CSMD1: variants seen among roughly 807,000 people sequenced by gnomAD.
The protein encoded by CSMD1 is CUB and Sushi multiple domains 1.
CSMD1 carries 213 observed loss-of-function variants against 417.5 expected under a neutral mutation model. The observed-to-expected ratio is 0.51, with a 90% CI of 0.46 to 0.57. The LOEUF (loss-of-function observed/expected upper bound fraction) is 0.57, where lower values mean the gene tolerates loss of function less well. Ranked by LOEUF, CSMD1 falls within the 20% of genes least tolerant of loss-of-function variation. The pLI is 0.00. For synonymous variants in CSMD1, 2,862 were observed against 1,736.8 expected, an observed-to-expected ratio of 1.65 and a Z score of -16.11; for missense variants, 6,923 against 4,529.7, an observed-to-expected ratio of 1.53 and a Z score of -15.17.
intron 56 of CSMD1, 64 bp downstream of exon 56, chr8:2,974,386 GA>G (rs1804738073): frequency 2.7e-5 from 36 of 1,331,096 alleles, no homozygotes; most frequent in Non-Finnish European, 3.5e-5. Flanking sequence ...ATCATTATTT[GA>G]AATCACTATT....
chr8:3,363,864 T>C (rs1290713379), intron 20 of CSMD1, among the ~76,000 whole-genome samples: 2 of 152,190 alleles, frequency 1.3e-5, no homozygotes, highest in South Asian at 2.1e-4. Context: ...AGTTAGCAAC[T>C]AGTAGCAGAC....
chr8:4,025,933 G>C (rs1384904925), intron 4 of CSMD1, among the ~76,000 whole-genome samples: 2 of 150,422 alleles, frequency 1.3e-5, no homozygotes, highest in Non-Finnish European at 3.0e-5. Context: ...TTGCTAGTTT[G>C]AATAAATTAT....
At chr8:3,278,304 T>C (rs2117199903) in intron 26 of CSMD1, 1 of 152,306 alleles carries the variant, frequency 6.6e-6, no homozygotes, top group East Asian at 1.9e-4. Context: ...TACTTCAAAG[T>C]GTGCTTGGGA....
intron 68 of CSMD1, among the ~76,000 whole-genome samples, chr8:2,945,942 C>T (rs1226511431): frequency 6.6e-6 from 1 of 152,202 alleles, no homozygotes; most frequent in Non-Finnish European, 1.5e-5. Flanking sequence ...AACAAATGCA[C>T]ATCCTGTCAC....
At chr8:4,531,636 A>G (rs182168801) in intron 2 of CSMD1, among the ~76,000 whole-genome samples, 2 of 152,248 alleles carry the variant, frequency 1.3e-5, no homozygotes, top group East Asian at 3.9e-4. Flanking sequence ...ATGGTGCACC[A>G]TGGCCCCACG....
intron 3 of CSMD1, among the ~76,000 whole-genome samples, chr8:4,033,822 C>A (rs1306473249): frequency 6.6e-6 from 1 of 152,194 alleles, no homozygotes; most frequent in African/African-American, 2.4e-5. Context: ...CTTGAAACTC[C>A]ATTCCACACT....
At chr8:3,920,510 A>T (rs1320373646) in intron 5 of CSMD1, among the ~76,000 whole-genome samples, 1 of 152,140 alleles carries the variant, frequency 6.6e-6, no homozygotes, top group African/African-American at 2.4e-5. Flanking sequence ...GACTTTCAGT[A>T]CTATATTAAG....
chr8:3,065,762 AG>A (rs1293182909), intron 49 of CSMD1, among the ~76,000 whole-genome samples: 1 of 152,260 alleles, frequency 6.6e-6, no homozygotes, highest in Non-Finnish European at 1.5e-5. Context: ...AAAATATAAA[AG>A]GAAAATTAGG....
At chr8:4,808,798 C>T (rs909306252) in intron 1 of CSMD1, among the ~76,000 whole-genome samples, 2 of 152,188 alleles carry the variant, frequency 1.3e-5, no homozygotes, top group Non-Finnish European at 1.5e-5. Context: ...ATTCCCCAGG[C>T]CAACAGGCAT....
At chr8:4,554,137 C>T (rs1189824761) in intron 2 of CSMD1, among the ~76,000 whole-genome samples, 1 of 151,940 alleles carries the variant, frequency 6.6e-6, no homozygotes, top group Non-Finnish European at 1.5e-5. Context: ...GAAACAATCG[C>T]GATTTATTTA....
At chr8:3,523,037 ACACT>A (rs1366598626) in intron 10 of CSMD1, among the ~76,000 whole-genome samples, 1 of 150,644 alleles carries the variant, frequency 6.6e-6, no homozygotes, top group Non-Finnish European at 1.5e-5. Context: ...ACACACACAC[ACACT>A]ACTCTTAAAA....
At position 3,110,299 on chromosome 8, in the gene CSMD1, G is replaced by T; in HGVS notation, c.6467C>A (p.Thr2156Asn). 1 of 1,613,152 alleles carries T rather than the reference G, an allele frequency of 6.2e-7. No individual in the cohort carries two copies. Among genetic ancestry groups the T allele is most frequent in the Non-Finnish European group, 8.5e-7 (1 of 1,179,598 alleles). ...CGYNVTSQNG[T>N]IYSPGFPDEY... ...ATCAGGAAAGCCAGGGGAGTAGATG[G>T]TGCCGTTCTGAGAAGTTACGTTGTA... Residue 2156 changes from threonine to asparagine, a missense_variant, in exon 43 of 70, where the codon ACC becomes AAC. Thr to Asn is a moderately conservative substitution (Grantham distance 65). Transcript: ENST00000635120.
At chr8:3,122,030 A>G (rs1817242845) in intron 41 of CSMD1, among the ~76,000 whole-genome samples, 1 of 152,142 alleles carries the variant, frequency 6.6e-6, no homozygotes, top group African/African-American at 2.4e-5. Flanking sequence ...TTCAATGGCA[A>G]AAACCTCAAT....
intron 26 of CSMD1, among the ~76,000 whole-genome samples, chr8:3,280,408 T>C (rs1433838342): frequency 6.6e-6 from 1 of 152,242 alleles, no homozygotes; most frequent in Non-Finnish European, 1.5e-5. Context: ...GTCTAGACTA[T>C]GCTTTTTAAA....
chr8:4,757,062 G>A (rs1811712387), intron 1 of CSMD1, among the ~76,000 whole-genome samples: 1 of 152,200 alleles, frequency 6.6e-6, no homozygotes, highest in African/African-American at 2.4e-5. Flanking sequence ...TTAAGAAACT[G>A]AAACAGAAAT....
At chr8:3,493,111 T>C (rs979114450) in intron 11 of CSMD1, among the ~76,000 whole-genome samples, 2 of 152,014 alleles carry the variant, frequency 1.3e-5, no homozygotes, top group Admixed American at 6.5e-5. Flanking sequence ...CGGGCCAACA[T>C]GGCAAACGCC....
chr8:3,755,474 T>G (rs1797606974), intron 5 of CSMD1, among the ~76,000 whole-genome samples: 1 of 151,986 alleles, frequency 6.6e-6, no homozygotes, highest in Admixed American at 6.6e-5. Flanking sequence ...AGATAATCTG[T>G]AAGGGTTTAA....
intron 3 of CSMD1, among the ~76,000 whole-genome samples, chr8:4,180,571 G>A (rs1216223691): frequency 3.3e-5 from 5 of 151,450 alleles, no homozygotes; most frequent in Non-Finnish European, 7.4e-5. Context: ...AAAACTTAAA[G>A]TATAATAATA....
At chr8:4,160,746 C>G (rs1345044584) in intron 3 of CSMD1, among the ~76,000 whole-genome samples, 1 of 152,226 alleles carries the variant, frequency 6.6e-6, no homozygotes, top group East Asian at 1.9e-4. Context: ...TAAGGTGATA[C>G]TACATTTACT....
Sources: gnomAD v4.1 joint callset for allele counts (sites outside exome capture counted in the v4.1 genomes callset) on GRCh38, gnomAD v4.1.1 for gene constraint, MANE v1.5 for transcripts, NCBI Gene and HGNC (gene_info 2026-07-23, HGNC 2026-07-21) for gene names.